The following CTIF variants were observed in gnomAD, a reference collection of about 807,000 sequenced individuals.
The protein encoded by CTIF is CBP80/20-dependent translation initiation factor.
In CTIF, 21 loss-of-function variants were observed where a neutral mutation model predicts 66.0. That is an observed-to-expected ratio of 0.32 (90% CI 0.23 to 0.46). The LOEUF (loss-of-function observed/expected upper bound fraction) is 0.46. Among genes scored for constraint, CTIF ranks in the 20% least tolerant of loss-of-function variants. The pLI, the probability that CTIF is intolerant of heterozygous loss-of-function variation, is 1.00. For synonymous variants in CTIF, 345 were observed against 326.4 expected, an observed-to-expected ratio of 1.06 and a Z score of -0.62; for missense variants, 739 against 812.7, an observed-to-expected ratio of 0.91 and a Z score of 1.10.
chr18:48,819,991 G>A (rs894178631), intron 10 of CTIF, among the ~76,000 whole-genome samples: 7 of 132,448 alleles, frequency 5.3e-5, no homozygotes, highest in Non-Finnish European at 8.4e-5. Flanking sequence ...GGAAGTGCCC[G>A]GGGCACGGCG....
chr18:48,857,150 G>T (rs2069347532), intron 10 of CTIF, among the ~76,000 whole-genome samples: 1 of 152,214 alleles, frequency 6.6e-6, no homozygotes, highest in Non-Finnish European at 1.5e-5. Context: ...GGGCCCAGGG[G>T]TGCCTGAGTC....
intron 1 of CTIF, among the ~76,000 whole-genome samples, chr18:48,599,058 G>A (rs28688922): frequency 0.028 from 4,325 of 152,234 alleles, 200 homozygotes; most frequent in African/African-American, 0.098. Flanking sequence ...CCCACCCGAC[G>A]GGGGCCTGAG....
intron 7 of CTIF, among the ~76,000 whole-genome samples, chr18:48,754,067 A>T (rs1258456247): frequency 2.6e-5 from 4 of 152,242 alleles, no homozygotes. Flanking sequence ...CTGGGGAACG[A>T]GGCCTAACTC....
chr18:48,601,727 T>G lies in CTIF; in HGVS notation c.-28-17811T>G, dbSNP rs1228136479. 2.0e-5 allele frequency among the ~76,000 whole-genome samples: 3 copies of G among 152,228 alleles called. No homozygotes were observed. The South Asian group carries it at 6.2e-4, about 32-fold the overall frequency. On this transcript the variant is annotated intron_variant, in intron 1 of 11. Transcript: ENST00000256413. ...TGGACCAAGACTGCATATACTGATA[T>G]GTTCAACTCACTGTCTTGTATGCTC...
intron 1 of CTIF, among the ~76,000 whole-genome samples, chr18:48,597,672 G>A (rs189841794): frequency 1.6e-4 from 24 of 152,036 alleles, no homozygotes; most frequent in Middle Eastern, 3.4e-3. Flanking sequence ...CCAAGTAGAT[G>A]CTGGTGCAAT....
In CTIF at chr18:48,747,595, G is replaced by C. The variant is rs186429118; in HGVS notation, c.585-10324G>C. Reference sequence around the variant, plus strand: ...ACTTCATTCAGAAAGTTTAGGAGAAGAGAAATTGGCTTGTTCAAGAGGATT... The same window carrying C: ...ACTTCATTCAGAAAGTTTAGGAGAACAGAAATTGGCTTGTTCAAGAGGATT... On this transcript the variant is annotated intron_variant, in intron 7 of 11. Coordinates refer to ENST00000256413, the MANE Select transcript of CTIF (RefSeq NM_014772.3). Among the ~76,000 whole-genome samples the C allele has an allele frequency of 3.3e-5, 5 of 152,218 alleles. No homozygotes were observed. In the East Asian group the frequency reaches 7.7e-4, roughly 24 times the overall value.
chr18:48,759,306 C>T (rs955488867), intron 8 of CTIF, among the ~76,000 whole-genome samples: 3 of 152,192 alleles, frequency 2.0e-5, no homozygotes, highest in African/African-American at 7.2e-5. Flanking sequence ...CCTCCTGGGG[C>T]TTCCGCAGAG....
chr18:48,636,119 T>C (rs1395575242), intron 2 of CTIF, among the ~76,000 whole-genome samples: 1 of 152,238 alleles, frequency 6.6e-6, no homozygotes, highest in African/African-American at 2.4e-5. Flanking sequence ...AGGGCTTGTC[T>C]GAGCCATGCT....
chr18:48,745,805 G>C (rs1172835272), intron 7 of CTIF, among the ~76,000 whole-genome samples: 1 of 152,198 alleles, frequency 6.6e-6, no homozygotes, highest in Non-Finnish European at 1.5e-5. Flanking sequence ...TCCCAAGATG[G>C]CTGGGCTGGG....
chr18:48,592,874 G>T (rs1191577129), intron 1 of CTIF, among the ~76,000 whole-genome samples: 1 of 152,218 alleles, frequency 6.6e-6, no homozygotes, highest in Non-Finnish European at 1.5e-5. Flanking sequence ...AAAGGGAATC[G>T]CTGCAAAACA....
At chr18:48,572,091 C>G (rs1439622490) in intron 1 of CTIF, among the ~76,000 whole-genome samples, 1 of 151,834 alleles carries the variant, frequency 6.6e-6, no homozygotes, top group Non-Finnish European at 1.5e-5. Flanking sequence ...TCCTCCTCCT[C>G]CTCCTTCTCC....
chr18:48,806,301 G>A (rs545097052), intron 9 of CTIF, among the ~76,000 whole-genome samples: 82 of 152,286 alleles, frequency 5.4e-4, no homozygotes, highest in African/African-American at 1.9e-3. Context: ...ATTGACTCCT[G>A]GCTGCTGGGC....
chr18:48,644,030 C>A (rs540452870), intron 3 of CTIF, among the ~76,000 whole-genome samples: 1 of 152,324 alleles, frequency 6.6e-6, no homozygotes, highest in East Asian at 1.9e-4. Context: ...CCGCAAGCCC[C>A]CTTCTCATTG....
chr18:48,831,091 G>A lies in CTIF; in HGVS notation c.1527+13715G>A, dbSNP rs1335953552. ...CAGAACCCTTGAAGGGGCAATGTGAGTGAGCAGAGTGGGGCTGGCTGGTAG... is the reference window on the plus strand; with the variant it reads ...CAGAACCCTTGAAGGGGCAATGTGAATGAGCAGAGTGGGGCTGGCTGGTAG... On this transcript the variant is annotated intron_variant, in intron 10 of 11. Transcript: ENST00000256413. 6.6e-5 allele frequency among the ~76,000 whole-genome samples: 10 copies of A among 152,364 alleles called. No individual in the cohort carries two copies. In the Middle Eastern group the frequency reaches 0.01, roughly 155 times the overall value.
At chr18:48,856,853 A>C (rs1568273233) in intron 10 of CTIF, among the ~76,000 whole-genome samples, 1 of 152,190 alleles carries the variant, frequency 6.6e-6, no homozygotes, top group Non-Finnish European at 1.5e-5. Context: ...AATTCTGGGG[A>C]TATCCTAAAA....
At chr18:48,697,271 G>GGCTCCTGA (rs1205411631) in intron 6 of CTIF, among the ~76,000 whole-genome samples, 1 of 152,218 alleles carries the variant, frequency 6.6e-6, no homozygotes, top group African/African-American at 2.4e-5. Flanking sequence ...AAGGAAGCAT[G>GGCTCCTGA]GCTCCTGAGC....
At chr18:48,831,951 G>A (rs1166246584) in intron 10 of CTIF, among the ~76,000 whole-genome samples, 2 of 152,192 alleles carry the variant, frequency 1.3e-5, no homozygotes, top group African/African-American at 2.4e-5. Flanking sequence ...GCTGGACCAG[G>A]CGGTCTGGAG....
At chr18:48,689,141 G>T (rs551547868) in intron 6 of CTIF, among the ~76,000 whole-genome samples, 11 of 152,330 alleles carry the variant, frequency 7.2e-5, no homozygotes, top group African/African-American at 2.4e-4. Flanking sequence ...TGGGCATCCC[G>T]CACTGGCAGT....
chr18:48,778,705 C>T lies in CTIF; in HGVS notation c.1371+17016C>T, dbSNP rs938676578. Among the ~76,000 whole-genome samples, 10 of 152,082 alleles carry T rather than the reference C, an allele frequency of 6.6e-5. No individual in the cohort carries two copies. In the East Asian group the frequency reaches 9.6e-4, roughly 15 times the overall value. On this transcript the variant is annotated intron_variant, in intron 9 of 11. Coordinates refer to ENST00000256413, the MANE Select transcript of CTIF (RefSeq NM_014772.3). ...GGGGGTGTCCAGGGGCCTGAGGTGGCGGTGAGGATGGGCATGGAGTACTAC... is the reference window on the plus strand; with the variant it reads ...GGGGGTGTCCAGGGGCCTGAGGTGGTGGTGAGGATGGGCATGGAGTACTAC...
Sources: gnomAD v4.1 joint callset for allele counts (sites outside exome capture counted in the v4.1 genomes callset) on GRCh38, gnomAD v4.1.1 for gene constraint, MANE v1.5 for transcripts, NCBI Gene and HGNC (gene_info 2026-07-23, HGNC 2026-07-21) for gene names.